SLC2A7: variants seen among roughly 807,000 people sequenced by gnomAD.
SLC2A7 encodes the protein solute carrier family 2 member 7.
SLC2A7 carries 50 observed loss-of-function variants against 50.5 expected under a neutral mutation model. That is an observed-to-expected ratio of 0.99 (90% confidence interval 0.79 to 1.25). The LOEUF (loss-of-function observed/expected upper bound fraction) is 1.25, where lower values mean the gene tolerates loss of function less well. Ranked by LOEUF, SLC2A7 falls within the 50% of genes most tolerant of loss-of-function variation. SLC2A7 has a pLI of 0.00. For synonymous variants in SLC2A7, 308 were observed against 300.4 expected (o/e 1.03, Z -0.26); for missense variants, 683 against 679.1 (o/e 1.01, Z -0.06).
In SLC2A7 at chr1:9,023,835, C is replaced by CTTTTTTTTTTTTTTTTTTTTTTTT. The variant is rs1557653846; in HGVS notation, c.151-758_151-757insAAAAAAAAAAAAAAAAAAAAAAAA. On this transcript the variant is annotated intron_variant, in intron 2 of 11. Transcript: ENST00000400906. ...CAGAGGCACCATAGGAAATATTCTT[C>CTTTTTTTTTTTTTTTTTTTTTTTT]TTCTTTTTTTTTTTTTTTTTTTTTT... Among the ~76,000 whole-genome samples, 4 of 65,998 alleles carry CTTTTTTTTTTTTTTTTTTTTTTTT rather than the reference C, an allele frequency of 6.1e-5. 1 individual carries two copies. Among genetic ancestry groups the CTTTTTTTTTTTTTTTTTTTTTTTT allele is most frequent in the Non-Finnish European group, 8.6e-5 (3 of 34,686 alleles). The allele number at this position is 65,998 out of a possible 152,430, so 43.3% of individuals were successfully genotyped here.
chr1:9,025,553 C>T (rs929967184), intron 1 of SLC2A7, among the ~76,000 whole-genome samples: 1 of 152,062 alleles, frequency 6.6e-6, no homozygotes, highest in Non-Finnish European at 1.5e-5. Context: ...CAGGGAAGGC[C>T]TCTCTGAGCA....
chr1:8,999,779 G>A (rs72642911), downstream of SLC2A7, among the ~76,000 whole-genome samples: 11,128 of 152,210 alleles, frequency 0.073, 460 homozygotes, highest in East Asian at 0.14. Flanking sequence ...AAGACACCTG[G>A]GCTGCCTCAG....
chr1:9,005,265 G>C (rs1411498016), intron 10 of SLC2A7, among the ~76,000 whole-genome samples: 1 of 152,196 alleles, frequency 6.6e-6, no homozygotes, highest in Non-Finnish European at 1.5e-5. Flanking sequence ...ACTCTGACTT[G>C]AGACCGCCCG....
the SLC2A7 span, among the ~76,000 whole-genome samples, chr1:8,993,106 C>T: frequency 1.1e-4 from 16 of 152,192 alleles, no homozygotes; most frequent in African/African-American, 3.9e-4. Context: ...GGAAGCCCCA[C>T]AATCATGGCG....
intron 9 of SLC2A7, 63 bp downstream of exon 9, chr1:9,010,080 A>G: frequency 6.8e-7 from 1 of 1,471,920 alleles, no homozygotes; most frequent in Non-Finnish European, 9.3e-7. Flanking sequence ...GGCCCGGTTC[A>G]GTCAGGGGAC....
chr1:9,000,141 T>C (rs1640554934), downstream of SLC2A7, among the ~76,000 whole-genome samples: 1 of 152,160 alleles, frequency 6.6e-6, no homozygotes, highest in Non-Finnish European at 1.5e-5. Flanking sequence ...AAACTATCTC[T>C]GCAAATTTTT....
At position 9,003,501 on chromosome 1, in the gene SLC2A7, G is replaced by T; in HGVS notation, c.1338C>A (p.Tyr446Ter). The T allele has an allele frequency of 6.2e-7, 1 of 1,614,192 alleles. No homozygotes were observed. Among genetic ancestry groups the T allele is most frequent in the Non-Finnish European group, 8.5e-7 (1 of 1,180,020 alleles). ...FPSIQEAIGA[Y>*]SFIIFAGICL... ...AGATTCCGGCAAAGATGATGAAACT[G>T]TAGGCACCGATGGCCTCCTAGACCA... The change falls in exon 12 of 12, where the codon TAC becomes TAA. Residue 446 changes from tyrosine to a stop codon, truncating the protein, a stop_gained. Transcript: ENST00000400906. LOFTEE classifies it low-confidence loss of function (END_TRUNC).
chr1:9,015,311 G>C (rs1167571622), intron 5 of SLC2A7, 69 bp from the exon 6 acceptor site: 4 of 1,479,038 alleles, frequency 2.7e-6, no homozygotes, highest in Non-Finnish European at 3.6e-6. Flanking sequence ...ACTGTGCTCG[G>C]AAGGTCACGC....
At chr1:8,998,581 A>G (rs1401392064), downstream of SLC2A7, among the ~76,000 whole-genome samples, 3 of 152,222 alleles carry the variant, frequency 2.0e-5, no homozygotes, top group East Asian at 5.8e-4. Context: ...CCCCAAATTC[A>G]ACTTGCTCAA....
chr1:9,022,127 A>G (rs1226802674), intron 3 of SLC2A7, among the ~76,000 whole-genome samples: 1 of 152,184 alleles, frequency 6.6e-6, no homozygotes, highest in East Asian at 1.9e-4. Context: ...ATTTTTTTCT[A>G]TGCCTGAAAA....
downstream of SLC2A7, among the ~76,000 whole-genome samples, chr1:9,001,563 C>T (rs1235212889): frequency 3.3e-5 from 5 of 151,802 alleles, no homozygotes; most frequent in Non-Finnish European, 5.9e-5. Flanking sequence ...GGACTATAGG[C>T]GCACATGACC....
At chr1:9,002,659 A>G (rs535370103), downstream of SLC2A7, among the ~76,000 whole-genome samples, 1 of 152,320 alleles carries the variant, frequency 6.6e-6, no homozygotes, top group African/African-American at 2.4e-5. Context: ...AGAGACCAGT[A>G]CTGGTGAGGG....
chr1:9,022,071 A>T (rs963584615), intron 3 of SLC2A7, among the ~76,000 whole-genome samples: 1 of 152,352 alleles, frequency 6.6e-6, no homozygotes, highest in East Asian at 1.9e-4. Flanking sequence ...AAGAGGTCCT[A>T]TGAATCTTGC....
chr1:9,002,704 A>G (rs1640592532), downstream of SLC2A7, among the ~76,000 whole-genome samples: 1 of 152,164 alleles, frequency 6.6e-6, no homozygotes, highest in Non-Finnish European at 1.5e-5. Context: ...CCCTGGGCCC[A>G]CTGTTCTTTC....
chr1:9,026,199 C>G, intron 1 of SLC2A7, 96 bp downstream of exon 1: 1 of 1,353,204 alleles, frequency 7.4e-7, no homozygotes, highest in South Asian at 1.2e-5. Context: ...GCTACCCGCT[C>G]CTTGCTAAAA....
chr1:9,020,853 G>A lies in SLC2A7; in HGVS notation c.312-1520C>T, dbSNP rs554092591. On this transcript the variant is annotated intron_variant, in intron 3 of 11. Coordinates refer to ENST00000400906, the MANE Select transcript of SLC2A7 (RefSeq NM_207420.3). ...GGCAGGTCTTCCCAGTGCTGTTCTC[G>A]TGATAGTGAATAAGTCTCACCAGGT... Among the ~76,000 whole-genome samples the A allele has an allele frequency of 5.3e-5, 8 of 152,082 alleles. No individual in the cohort carries two copies. In the South Asian group the frequency reaches 1.0e-3, roughly 20 times the overall value.
chr1:8,994,891 C>T, the SLC2A7 span, among the ~76,000 whole-genome samples: 2 of 151,950 alleles, frequency 1.3e-5, no homozygotes, highest in Non-Finnish European at 2.9e-5. Context: ...CCACCTCAGC[C>T]TCCCAAGTAG....
Position 9,013,588 on chromosome 1 carries a change from G to A in SLC2A7, c.951C>T (p.Ala317=), listed in dbSNP as rs142318429. 12 of 1,614,106 alleles carry A rather than the reference G, an allele frequency of 7.4e-6. No homozygotes were observed. The highest frequency in any genetic ancestry group is 2.7e-5 in the African/African-American group (2 of 75,058). Residue 317 remains alanine, a synonymous_variant, in exon 8 of 12, where the codon GCC becomes GCT. Coordinates refer to ENST00000400906, the MANE Select transcript of SLC2A7 (RefSeq NM_207420.3). ...CCACCGTTACATATTGGGAGTGAGC[G>A]GCCTCCACGCCCGCAGATGTGTAGA... ...DTIYTSAGVE[A]AHSQYVTVGS...
the SLC2A7 span, among the ~76,000 whole-genome samples, chr1:8,994,884 C>T: frequency 2.6e-5 from 4 of 151,930 alleles, no homozygotes; most frequent in East Asian, 5.9e-4. Context: ...GATTTTCCCA[C>T]CTCAGCCTCC....
Sources: gnomAD v4.1 joint callset for allele counts (sites outside exome capture counted in the v4.1 genomes callset) on GRCh38, gnomAD v4.1.1 for gene constraint, MANE v1.5 for transcripts, NCBI Gene and HGNC (gene_info 2026-07-23, HGNC 2026-07-21) for gene names.